The following CNTNAP2 variants were observed in gnomAD, a reference collection of about 807,000 sequenced individuals.
The protein encoded by CNTNAP2 is contactin-associated protein-like 2.
Under a neutral mutation model 155.2 loss-of-function variants are expected in CNTNAP2, and 98 were observed. The observed-to-expected ratio is 0.63, with a 90% CI of 0.54 to 0.75. The LOEUF (loss-of-function observed/expected upper bound fraction) is 0.75. CNTNAP2 is among the 30% of genes least tolerant of loss of function. The pLI is 0.00. For missense variants in CNTNAP2, 1,727 were observed against 1,688.1 expected (o/e 1.02, Z -0.40); for synonymous variants, 651 against 631.2 (o/e 1.03, Z -0.47).
At chr7:148,172,096 T>C (rs1805804024) in intron 17 of CNTNAP2, 146 bp from the exon 18 acceptor site, 2 of 809,366 alleles carry the variant, frequency 2.5e-6, no homozygotes, top group African/African-American at 1.7e-5. Flanking sequence ...GCTTCAACTT[T>C]CTCTATTTAG....
At chr7:147,157,587 A>G (rs1801951190) in intron 8 of CNTNAP2, among the ~76,000 whole-genome samples, 1 of 152,070 alleles carries the variant, frequency 6.6e-6, no homozygotes, top group African/African-American at 2.4e-5. Flanking sequence ...TTTAACATCT[A>G]TTTTAATACT....
At chr7:148,398,992 A>G (rs372305416) in intron 22 of CNTNAP2, among the ~76,000 whole-genome samples, 1 of 152,344 alleles carries the variant, frequency 6.6e-6, no homozygotes, top group Non-Finnish European at 1.5e-5. Context: ...GGCTATTTCT[A>G]TGACTCAGCA....
chr7:148,268,940 T>C (rs1796724787), intron 21 of CNTNAP2, among the ~76,000 whole-genome samples: 1 of 151,906 alleles, frequency 6.6e-6, no homozygotes, highest in South Asian at 2.1e-4. Flanking sequence ...TAATCTAGAA[T>C]GCAAAGAGAA....
intron 1 of CNTNAP2, among the ~76,000 whole-genome samples, chr7:146,729,952 T>A (rs1801496079): frequency 6.6e-6 from 1 of 152,144 alleles, no homozygotes; most frequent in Non-Finnish European, 1.5e-5. Context: ...AACAATTAGA[T>A]GATTAATAGC....
chr7:148,037,153 T>C (rs1043175148), intron 15 of CNTNAP2, among the ~76,000 whole-genome samples: 8 of 152,212 alleles, frequency 5.3e-5, no homozygotes, highest in Non-Finnish European at 1.2e-4. Context: ...CAAAGATAGA[T>C]GGCATAGCAC....
At chr7:148,283,128 A>C (rs1210797200) in intron 21 of CNTNAP2, among the ~76,000 whole-genome samples, 1 of 142,288 alleles carries the variant, frequency 7.0e-6, no homozygotes, top group Non-Finnish European at 1.5e-5. Context: ...AAGCTCAGCT[A>C]CTTGGGAGGC....
intron 8 of CNTNAP2, among the ~76,000 whole-genome samples, chr7:147,222,829 T>G (rs1239766436): frequency 1.3e-5 from 2 of 149,982 alleles, no homozygotes; most frequent in African/African-American, 4.9e-5. Flanking sequence ...TTTTTTTTTT[T>G]TTTTCTGCCT....
At chr7:147,460,688 G>T (rs534898362) in intron 10 of CNTNAP2, among the ~76,000 whole-genome samples, 1 of 151,998 alleles carries the variant, frequency 6.6e-6, no homozygotes, top group Non-Finnish European at 1.5e-5. Context: ...TTTGTTTTTT[G>T]CAGTTTATTT....
At chr7:147,881,085 A>G (rs1799512578) in intron 13 of CNTNAP2, among the ~76,000 whole-genome samples, 1 of 152,182 alleles carries the variant, frequency 6.6e-6, no homozygotes, top group South Asian at 2.1e-4. Context: ...TACAGACAGA[A>G]TGGTGAGGCA....
At chr7:146,942,505 TTGTAAC>T (rs1178370727) in intron 3 of CNTNAP2, among the ~76,000 whole-genome samples, 1 of 152,142 alleles carries the variant, frequency 6.6e-6, no homozygotes, top group Non-Finnish European at 1.5e-5. Flanking sequence ...TTCAAAATGA[TTGTAAC>T]TGTTATTACA....
chr7:146,724,561 C>CTT lies in CNTNAP2; in HGVS notation c.98-49683_98-49682dup, dbSNP rs1000613503. The stretch of plus-strand genomic sequence containing the variant: ...TTAGAAGCATGCTGTTAAATCTAAA[C>CTT]TTTTTTTTTTTTTTTTTTTTTTTTT... On this transcript the variant is annotated intron_variant, in intron 1 of 23. Coordinates refer to ENST00000361727, the MANE Select transcript of CNTNAP2 (RefSeq NM_014141.6). 5.3e-3 allele frequency among the ~76,000 whole-genome samples: 348 copies of CTT among 65,624 alleles called. 66 individuals are homozygous for CTT. Among genetic ancestry groups the CTT allele is most frequent in the Admixed American group, 0.015 (86 of 5,652 alleles). The allele number at this position is 65,624 out of a possible 152,430, so 43.1% of individuals were successfully genotyped here. A position where few individuals can be genotyped will look rare whatever the true frequency, so the allele number is the denominator to read the frequency against.
intron 1 of CNTNAP2, among the ~76,000 whole-genome samples, chr7:146,664,342 G>A (rs1282657599): frequency 6.6e-6 from 1 of 151,672 alleles, no homozygotes; most frequent in Non-Finnish European, 1.5e-5. Context: ...TGTATTTTCA[G>A]TAGGGATGGG....
intron 1 of CNTNAP2, among the ~76,000 whole-genome samples, chr7:146,191,962 G>T (rs1245148373): frequency 6.6e-6 from 1 of 152,166 alleles, no homozygotes; most frequent in Non-Finnish European, 1.5e-5. Context: ...ACAGGATTAA[G>T]AGATTAAAGT....
chr7:146,355,319 G>C (rs555945967), intron 1 of CNTNAP2, among the ~76,000 whole-genome samples: 3 of 152,108 alleles, frequency 2.0e-5, no homozygotes, highest in Non-Finnish European at 4.4e-5. Flanking sequence ...TGACCAACAG[G>C]GGGTGTGCTA....
In CNTNAP2 at chr7:146,571,389, A is replaced by G. The variant is rs1282315029; in HGVS notation, c.98-202882A>G. ...CTATGTTTTCAGATAAAAATATTTT[A>G]TGTGAAAATATTTTTATCAGAGGTC... On this transcript the variant is annotated intron_variant, in intron 1 of 23. Transcript: ENST00000361727. 2.0e-5 allele frequency among the ~76,000 whole-genome samples: 3 copies of G among 152,128 alleles called. No individual in the cohort carries two copies. The East Asian group carries it at 5.8e-4, about 29-fold the overall frequency.
At chr7:147,724,942 C>G (rs1331454970) in intron 13 of CNTNAP2, among the ~76,000 whole-genome samples, 1 of 151,920 alleles carries the variant, frequency 6.6e-6, no homozygotes, top group Admixed American at 6.6e-5. Context: ...TTGCTTGTTT[C>G]ACAAGCAACC....
At chr7:147,249,626 G>C (rs867553597) in intron 8 of CNTNAP2, among the ~76,000 whole-genome samples, 1 of 50,242 alleles carries the variant, frequency 2.0e-5, no homozygotes, top group African/African-American at 7.9e-5. Flanking sequence ...AAAAAAAAAA[G>C]GTTTCAGCAC....
At chr7:147,676,722 T>G (rs1399939319) in intron 13 of CNTNAP2, among the ~76,000 whole-genome samples, 3 of 151,988 alleles carry the variant, frequency 2.0e-5, no homozygotes, top group Non-Finnish European at 4.4e-5. Flanking sequence ...TGAGATCAAC[T>G]TTTTAAGATT....
chr7:148,328,120 G>A (rs1325865634), intron 21 of CNTNAP2, among the ~76,000 whole-genome samples: 1 of 152,214 alleles, frequency 6.6e-6, no homozygotes, highest in Non-Finnish European at 1.5e-5. Flanking sequence ...AGAACACGCA[G>A]AGGCTATTTA....
Sources: gnomAD v4.1 joint callset for allele counts (sites outside exome capture counted in the v4.1 genomes callset) on GRCh38, gnomAD v4.1.1 for gene constraint, MANE v1.5 for transcripts, NCBI Gene and HGNC (gene_info 2026-07-23, HGNC 2026-07-21) for gene names.